Variants in CAMKK1 observed in about 807,000 individuals in gnomAD.
CAMKK1 encodes calcium/calmodulin-dependent protein kinase kinase 1.
Under a neutral mutation model 63.5 loss-of-function variants are expected in CAMKK1, and 20 were observed. The ratio of observed to expected loss-of-function variants is 0.32; its 90% confidence interval spans 0.22 to 0.46. The LOEUF is 0.46. Among genes scored for constraint, CAMKK1 ranks in the 20% least tolerant of loss-of-function variants. CAMKK1 has a pLI of 1.00. For synonymous variants in CAMKK1, 253 were observed against 269.0 expected (o/e 0.94, Z 0.58); for missense variants, 588 against 658.1 (o/e 0.89, Z 1.17).
At chr17:3,880,565 A>G (rs1165744909) in intron 8 of CAMKK1, 131 bp from the exon 9 acceptor site, 2 of 651,824 alleles carry the variant, frequency 3.1e-6, no homozygotes, top group East Asian at 2.8e-5. Flanking sequence ...TTTTTCTGCT[A>G]CATAATAAAA....
rs199791439 is a variant in CAMKK1 at position 3,862,273 on chromosome 17, A to G, written c.1456T>C (p.Phe486Leu). Reference protein sequence around the residue: ...APGNLLVKEGFGEGGKSPELP... With the variant: ...APGNLLVKEGLGEGGKSPELP... ...TCTGGGCTCTTGCCCCCTTCACCAAACCCTTCTTTCCTGTTCAGGGGACAC... is the reference window on the plus strand; with the variant it reads ...TCTGGGCTCTTGCCCCCTTCACCAAGCCCTTCTTTCCTGTTCAGGGGACAC... Residue 486 changes from phenylalanine to leucine, a missense_variant, in exon 16 of 16, where the codon TTT (phenylalanine) becomes CTT (leucine). Phe to Leu is a conservative substitution (Grantham distance 22). Around this residue, in one of 3 missense-constraint regions of CAMKK1, gnomAD observed 226 missense variants for 229.2 expected, o/e 0.99. Transcript: ENST00000348335. The surrounding 1 kb of genome is among the most constrained non-coding windows in gnomAD (Gnocchi z 4.1). 1.8e-5 allele frequency: 29 copies of G among 1,584,952 alleles called. No individual in the cohort carries two copies. The Admixed American group carries it at 3.4e-4, about 18-fold the overall frequency.
chr17:3,888,268 CCTT>C (rs2055743987), intron 1 of CAMKK1, among the ~76,000 whole-genome samples: 1 of 152,238 alleles, frequency 6.6e-6, no homozygotes, highest in Admixed American at 6.5e-5. Flanking sequence ...AGGCCATCCT[CCTT>C]TACCCTTGAA....
At position 3,889,390 on chromosome 17, in the gene CAMKK1, G is replaced by A. The variant is rs374281389; in HGVS notation, c.-44+3549C>T. ...GGCATGGGCACTGGCTTAGTCCTGC[G>A]GCCGTGAACAGCCAGACTCAAGCCC... On this transcript the variant is annotated intron_variant, in intron 1 of 15. Transcript: ENST00000348335. This position sits in a 1 kb window ranked among gnomAD's most constrained non-coding sequence, Gnocchi z 5.2. Among the ~76,000 whole-genome samples the A allele has an allele frequency of 3.0e-4, 45 of 152,236 alleles. No individual in the cohort carries two copies. The East Asian group carries it at 3.5e-3, about 12-fold the overall frequency.
intron 12 of CAMKK1, among the ~76,000 whole-genome samples, 170 bp from the exon 13 acceptor site, chr17:3,870,058 G>T (rs1029248732): frequency 1.3e-5 from 2 of 152,304 alleles, no homozygotes; most frequent in South Asian, 2.1e-4. Flanking sequence ...AGGAGGTCAA[G>T]TCTCCCTCCA....
intron 14 of CAMKK1, 110 bp downstream of exon 14, chr17:3,869,377 C>G (rs1288147734): frequency 2.7e-6 from 4 of 1,466,898 alleles, no homozygotes; most frequent in Non-Finnish European, 3.7e-6. Context: ...CCCAGGATCA[C>G]AGCTGGCTGG....
chr17:3,876,370 C>T lies in CAMKK1; in HGVS notation c.849G>A (p.Leu283=). Residue 283 remains leucine (L), a synonymous_variant, in exon 10 of 16, where the codon CTG becomes CTA. Transcript: ENST00000348335. ...CGATCTTCACGTGCCCATCATCCCC[C>T]AGGAGCAGGTTGGATGGCTTGATGT... The part of the protein sequence containing the change: ...HRDIKPSNLL[L]GDDGHVKIAD... 1 of 1,614,252 alleles carries T rather than the reference C, an allele frequency of 6.2e-7. No individual in the cohort carries two copies. The highest frequency in any genetic ancestry group is 8.5e-7 in the Non-Finnish European group (1 of 1,180,044).
At chr17:3,891,043 G>T (rs2143915266) in intron 1 of CAMKK1, among the ~76,000 whole-genome samples, 1 of 151,302 alleles carries the variant, frequency 6.6e-6, no homozygotes, top group African/African-American at 2.4e-5. Context: ...TCCCAGACCT[G>T]GCCTTCCAGG....
chr17:3,878,061 A>G (rs2055245047), intron 9 of CAMKK1, among the ~76,000 whole-genome samples: 2 of 151,990 alleles, frequency 1.3e-5, no homozygotes, highest in African/African-American at 4.8e-5. Flanking sequence ...ATCATCCTCA[A>G]TTCCTCCTCT....
chr17:3,883,018 C>T lies in CAMKK1; in HGVS notation c.648+24G>A. 6.2e-7 allele frequency: 1 copy of T among 1,612,420 alleles called. No individual in the cohort carries two copies. Among genetic ancestry groups the T allele is most frequent in the Non-Finnish European group, 8.5e-7 (1 of 1,179,164 alleles). ...CCCATGAGACTCAGGTGCTGGTTCC[C>T]ACCTGCTCACCACCACCCCCTACCT... On this transcript the variant is annotated intron_variant, in intron 6 of 15. Transcript: ENST00000348335. This position sits in a 1 kb window ranked among gnomAD's most constrained non-coding sequence, Gnocchi z 4.7.
chr17:3,868,333 G>A (rs1307432834), intron 14 of CAMKK1, among the ~76,000 whole-genome samples: 1 of 151,096 alleles, frequency 6.6e-6, no homozygotes, highest in Non-Finnish European at 1.5e-5. Context: ...CACAGGATCT[G>A]GGGGAGACGC....
chr17:3,891,611 A>G lies in CAMKK1; in HGVS notation c.-44+1328T>C, dbSNP rs935442238. ...GTGGCTGGAGTGGAGTCTTCCCCAC[A>G]TAAGAGGCACCTGATAGCAAGAGGA... On this transcript the variant is annotated intron_variant, in intron 1 of 15. Transcript: ENST00000348335. Among the ~76,000 whole-genome samples the G allele has an allele frequency of 6.6e-5, 10 of 152,312 alleles. No individual in the cohort carries two copies. In the South Asian group the frequency reaches 2.1e-3, roughly 32 times the overall value.
chr17:3,872,284 G>T (rs1196903732), intron 12 of CAMKK1, among the ~76,000 whole-genome samples: 1 of 152,216 alleles, frequency 6.6e-6, no homozygotes, highest in Admixed American at 6.5e-5. Context: ...CCCCAGGCAG[G>T]CCTGCGGTGA....
Position 3,880,398 on chromosome 17 carries a change from C to G in CAMKK1, c.744G>C (p.Ser248=). 1 of 1,613,930 alleles carries G rather than the reference C, an allele frequency of 6.2e-7. No homozygotes were observed. The highest frequency in any genetic ancestry group is 8.5e-7 in the Non-Finnish European group (1 of 1,179,982). Residue 248 remains serine, a synonymous_variant, in exon 9 of 16, where the codon TCG becomes TCC. Coordinates refer to ENST00000348335, the MANE Select transcript of CAMKK1 (RefSeq NM_032294.3). Reference sequence around the variant, plus strand: ...GCAGGTAGAGGCGAGCTTGCTCCTCCGAGAAGGGCTTGTCACAGGGCACTT... The same window carrying G: ...GCAGGTAGAGGCGAGCTTGCTCCTCGGAGAAGGGCTTGTCACAGGGCACTT... ...VMEVPCDKPF[S]EEQARLYLRD... is the part of the protein sequence containing the mutation.
chr17:3,883,782 C>G lies in CAMKK1; in HGVS notation c.462+102G>C. On this transcript the variant is annotated intron_variant, in intron 4 of 15. Coordinates refer to ENST00000348335, the MANE Select transcript of CAMKK1 (RefSeq NM_032294.3). The surrounding 1 kb of genome is among the most constrained non-coding windows in gnomAD (Gnocchi z 4.7). ...CCCCTAGGGACAGGGAGCTCACTCT[C>G]AGGCAGCCCTGTCCTCTATCTCCTA... is the stretch of plus-strand genomic sequence containing the variant. 2.5e-6 allele frequency: 3 copies of G among 1,178,166 alleles called. No homozygotes were observed. Among genetic ancestry groups the G allele is most frequent in the African/African-American group, 1.5e-5 (1 of 66,780 alleles). The allele number at this position is 1,178,166 out of a possible 1,614,324, so 73.0% of individuals were successfully genotyped here.
At position 3,884,025 on chromosome 17, in the gene CAMKK1, C is replaced by A. The variant is rs1219525265; in HGVS notation, c.409-88G>T. 12 of 1,281,868 alleles carry A rather than the reference C, an allele frequency of 9.4e-6. No individual in the cohort carries two copies. In the Admixed American group the frequency reaches 1.2e-4, roughly 13 times the overall value. 79.4% of individuals were successfully genotyped at this position (1,281,868 alleles called of 1,614,324 possible). A position where few individuals can be genotyped will look rare whatever the true frequency, so the allele number is the denominator to read the frequency against. On this transcript the variant is annotated intron_variant, in intron 3 of 15. Coordinates refer to ENST00000348335, the MANE Select transcript of CAMKK1 (RefSeq NM_032294.3). This position sits in a 1 kb window ranked among gnomAD's most constrained non-coding sequence, Gnocchi z 4.5. ...AGGTGGGGAGCCGAGCAGCTCTGGTCTCTCCTGCACCCCATCTGCACTACC... is the reference window on the plus strand; with the variant it reads ...AGGTGGGGAGCCGAGCAGCTCTGGTATCTCCTGCACCCCATCTGCACTACC...
rs1183455535 is a variant in CAMKK1, at chr17:3,880,310, GCCCCAGCCCCAGTGGGCAAGCTGC to G, written c.796+12_796+35del. ...GCTCTGCCGCCTGCCAGATCCCCTAGCCCCAGCCCCAGTGGGCAAGCTGCCCCGCACTCACAGTACTCGAGGCCC... is the reference window on the plus strand; with the variant it reads ...GCTCTGCCGCCTGCCAGATCCCCTAGCCCGCACTCACAGTACTCGAGGCCC... On this transcript the variant is annotated intron_variant, in intron 9 of 15. Coordinates refer to ENST00000348335, the MANE Select transcript of CAMKK1 (RefSeq NM_032294.3). 6.4e-7 allele frequency: 1 copy of G among 1,573,444 alleles called. No individual in the cohort carries two copies. Among genetic ancestry groups the G allele is most frequent in the South Asian group, 1.1e-5 (1 of 90,030 alleles).
chr17:3,871,349 T>G (rs1486395925), intron 12 of CAMKK1, among the ~76,000 whole-genome samples: 3 of 26,244 alleles, frequency 1.1e-4, no homozygotes, highest in African/African-American at 4.9e-4. Context: ...TTTTTTTTGT[T>G]TTTTTTTTTT....
chr17:3,876,453 T>C, intron 9 of CAMKK1, 31 bp from the exon 10 acceptor site: 13 of 1,597,042 alleles, frequency 8.1e-6, no homozygotes, highest in Non-Finnish European at 1.1e-5. Context: ...AGCTGAGCGC[T>C]GGCCTGGGCA....
Position 3,879,376 on chromosome 17 carries a change from G to T in CAMKK1, c.796+970C>A, listed in dbSNP as rs2055306900. On this transcript the variant is annotated intron_variant, in intron 9 of 15. Transcript: ENST00000348335. The surrounding 1 kb of genome is among the most constrained non-coding windows in gnomAD (Gnocchi z 4.5). ...ACTCCAATCCAGCCACCACACAGCT[G>T]CCAGACAGAGCTTTCTCAGGCACAA... The T allele has an allele frequency of 6.6e-6, 1 of 152,558 alleles. No individual in the cohort carries two copies. 9.5% of individuals were successfully genotyped at this position (152,558 alleles called of 1,614,324 possible).
Sources: allele counts gnomAD v4.1 joint callset (sites outside exome capture counted in the v4.1 genomes callset), GRCh38; gene constraint gnomAD v4.1.1; regional missense constraint gnomAD v4.1.1; non-coding constraint Gnocchi (gnomAD v3.1); transcripts MANE v1.5; gene names NCBI Gene and HGNC (gene_info 2026-07-23, HGNC 2026-07-21).